The following PTPRG variants were observed in gnomAD, a reference collection of about 807,000 sequenced individuals.
The protein encoded by PTPRG is receptor-type tyrosine-protein phosphatase gamma.
In PTPRG, 102 loss-of-function variants were observed where a neutral mutation model predicts 165.3. The ratio of observed to expected loss-of-function variants is 0.62; its 90% CI spans 0.53 to 0.73. The LOEUF (loss-of-function observed/expected upper bound fraction) is 0.73. Among genes scored for constraint, PTPRG ranks in the 30% least tolerant of loss-of-function variants. PTPRG has a pLI of 0.00. For missense variants in PTPRG, 1,866 were observed against 1,861.4 expected, an observed-to-expected ratio of 1.00 and a Z score of -0.05; for synonymous variants, 675 against 669.5, an observed-to-expected ratio of 1.01 and a Z score of -0.13.
chr3:62,044,253 T>C (rs1700217507), intron 4 of PTPRG, among the ~76,000 whole-genome samples: 1 of 152,162 alleles, frequency 6.6e-6, no homozygotes, highest in Admixed American at 6.5e-5. Flanking sequence ...TGAAAATGGC[T>C]CTTGGCCGGG....
chr3:61,900,866 G>C lies in PTPRG; in HGVS notation c.191-88759G>C, dbSNP rs2038481835. Among the ~76,000 whole-genome samples, 4 of 152,154 alleles carry C rather than the reference G, an allele frequency of 2.6e-5. No individual in the cohort carries two copies. The South Asian group carries it at 8.3e-4, about 32-fold the overall frequency. On this transcript the variant is annotated intron_variant, in intron 2 of 29. Transcript: ENST00000474889. Reference sequence around the variant, plus strand: ...GTGTCACCAGCCAGGTAAAAATCCTGGTCCCGCTGTGGTTTTAGGCAAGGG... The same window carrying C: ...GTGTCACCAGCCAGGTAAAAATCCTCGTCCCGCTGTGGTTTTAGGCAAGGG...
At chr3:62,022,991 A>G (rs545611784) in intron 4 of PTPRG, among the ~76,000 whole-genome samples, 4 of 152,104 alleles carry the variant, frequency 2.6e-5, no homozygotes, top group Non-Finnish European at 5.9e-5. Context: ...AAAACAATAT[A>G]ATTAATACAT....
chr3:62,225,314 G>A (rs1237047230), intron 13 of PTPRG, among the ~76,000 whole-genome samples: 1 of 152,180 alleles, frequency 6.6e-6, no homozygotes, highest in Non-Finnish European at 1.5e-5. Flanking sequence ...GAGAGAAGAG[G>A]AAAATTTTGG....
At chr3:61,742,888 C>G in intron 1 of PTPRG, 1 of 1,526,102 alleles carries the variant, frequency 6.6e-7, no homozygotes, top group Non-Finnish European at 9.1e-7. Context: ...AGCCTCGTCA[C>G]AGTGCTGCTG....
chr3:62,134,650 C>G (rs527677791), intron 6 of PTPRG, among the ~76,000 whole-genome samples: 74 of 152,308 alleles, frequency 4.9e-4, no homozygotes, highest in African/African-American at 1.8e-3. Flanking sequence ...TTTCTTTCTT[C>G]AAAGCACTTA....
intron 4 of PTPRG, among the ~76,000 whole-genome samples, chr3:62,042,559 G>C (rs12487129): frequency 0.41 from 62,592 of 151,822 alleles, 13,116 homozygotes; most frequent in Admixed American, 0.45. Flanking sequence ...CTCCCGCACC[G>C]CCACCCTGCA....
chr3:61,957,405 A>T (rs1301636047), intron 2 of PTPRG, among the ~76,000 whole-genome samples: 1 of 152,216 alleles, frequency 6.6e-6, no homozygotes, highest in Non-Finnish European at 1.5e-5. Context: ...CTCACTTGCC[A>T]TCTGCTCCAC....
intron 3 of PTPRG, among the ~76,000 whole-genome samples, chr3:61,999,395 C>CCT (rs1297975752): frequency 6.6e-6 from 1 of 152,122 alleles, no homozygotes; most frequent in Non-Finnish European, 1.5e-5. Context: ...AGGGTTCCAC[C>CCT]CTCATGGCCT....
Position 61,812,494 on chromosome 3 carries a change from C to T in PTPRG, c.190+63512C>T, listed in dbSNP as rs998610413. 3.3e-5 allele frequency among the ~76,000 whole-genome samples: 5 copies of T among 152,174 alleles called. No homozygotes were observed. In the East Asian group the frequency reaches 9.6e-4, roughly 29 times the overall value. Reference sequence around the variant, plus strand: ...TAAGCCCAGATTTGTCATTAAACTTCCTAAGTTTCCACATACTGCCTCTAT... The same window carrying T: ...TAAGCCCAGATTTGTCATTAAACTTTCTAAGTTTCCACATACTGCCTCTAT... On this transcript the variant is annotated intron_variant, in intron 2 of 29. Transcript: ENST00000474889.
chr3:61,993,945 C>T (rs927596888), intron 3 of PTPRG, among the ~76,000 whole-genome samples: 1 of 152,128 alleles, frequency 6.6e-6, no homozygotes, highest in Non-Finnish European at 1.5e-5. Context: ...GTCTTAATCC[C>T]CTGAGAGTGC....
intron 6 of PTPRG, among the ~76,000 whole-genome samples, chr3:62,145,041 T>C (rs1460593897): frequency 6.6e-6 from 1 of 152,114 alleles, no homozygotes; most frequent in Non-Finnish European, 1.5e-5. Flanking sequence ...TCCATTTGCC[T>C]ACTGCAAAAG....
intron 8 of PTPRG, among the ~76,000 whole-genome samples, chr3:62,173,099 G>A (rs1358534656): frequency 2.0e-5 from 3 of 152,102 alleles, no homozygotes; most frequent in African/African-American, 7.2e-5. Context: ...TGTTGTATTT[G>A]CACATAACCT....
chr3:61,606,209 GT>G (rs1701001500), intron 1 of PTPRG, among the ~76,000 whole-genome samples: 1 of 152,194 alleles, frequency 6.6e-6, no homozygotes, highest in Non-Finnish European at 1.5e-5. Context: ...AGGCTTGCTG[GT>G]TGTTAGCAGA....
At chr3:62,023,871 T>C (rs1384524432) in intron 4 of PTPRG, among the ~76,000 whole-genome samples, 3 of 152,114 alleles carry the variant, frequency 2.0e-5, no homozygotes, top group Non-Finnish European at 4.4e-5. Context: ...GAACATGAGA[T>C]GTTGTGCAGT....
intron 1 of PTPRG, among the ~76,000 whole-genome samples, chr3:61,633,700 C>T (rs1478727244): frequency 6.6e-6 from 1 of 152,108 alleles, no homozygotes; most frequent in Non-Finnish European, 1.5e-5. Flanking sequence ...CCTAATTGCT[C>T]TGGCTAGAAC....
At chr3:62,260,933 A>G (rs1701677747) in intron 16 of PTPRG, 1 of 152,204 alleles carries the variant, frequency 6.6e-6, no homozygotes, top group Non-Finnish European at 1.5e-5. Context: ...GAAAAGTGAA[A>G]CAGAGGCAAC....
chr3:61,893,905 G>A (rs2038282106), intron 2 of PTPRG, among the ~76,000 whole-genome samples: 1 of 152,142 alleles, frequency 6.6e-6, no homozygotes, highest in Admixed American at 6.5e-5. Flanking sequence ...TGGGCTAATA[G>A]GAGTGGTGGT....
chr3:62,074,352 CTTTTTTTTTTT>C (rs200189646), intron 4 of PTPRG, among the ~76,000 whole-genome samples: 2 of 109,112 alleles, frequency 1.8e-5, no homozygotes. Context: ...TCTTTTCTTT[CTTTTTTTTTTT>C]TTTTTTTTTT....
chr3:61,925,738 A>G lies in PTPRG; in HGVS notation c.191-63887A>G, dbSNP rs138778581. 1.0e-3 allele frequency among the ~76,000 whole-genome samples: 128 copies of G among 128,432 alleles called. 1 individual carries two copies. Among genetic ancestry groups the G allele is most frequent in the East Asian group, 9.3e-3 (36 of 3,854 alleles). 84.3% of individuals were successfully genotyped at this position (128,432 alleles called of 152,430 possible). A position where few individuals can be genotyped will look rare whatever the true frequency, so the allele number is the denominator to read the frequency against. On this transcript the variant is annotated intron_variant, in intron 2 of 29. Coordinates refer to ENST00000474889, the MANE Select transcript of PTPRG (RefSeq NM_002841.4). Reference sequence around the variant, plus strand: ...AGCCTGGGTGACAGAATGAGACTCTATCTTTAAAAAAAAAAAAAATCATCA... The same window carrying G: ...AGCCTGGGTGACAGAATGAGACTCTGTCTTTAAAAAAAAAAAAAATCATCA...
Sources: gnomAD v4.1 joint callset for allele counts (sites outside exome capture counted in the v4.1 genomes callset) on GRCh38, gnomAD v4.1.1 for gene constraint, MANE v1.5 for transcripts, NCBI Gene and HGNC (gene_info 2026-07-23, HGNC 2026-07-21) for gene names.